NAALADL2: variants seen among roughly 807,000 people sequenced by gnomAD.
The protein encoded by NAALADL2 is N-acetylated alpha-linked acidic dipeptidase like 2.
In NAALADL2, 76 loss-of-function variants were observed where a neutral mutation model predicts 87.2. The observed-to-expected ratio is 0.87, with a 90% confidence interval of 0.72 to 1.05. The LOEUF (loss-of-function observed/expected upper bound fraction) is 1.05, where lower values mean the gene tolerates loss of function less well. NAALADL2 is among the 50% of genes least tolerant of loss of function. NAALADL2 has a pLI of 0.00. For synonymous variants in NAALADL2, 354 were observed against 331.0 expected (o/e 1.07, Z -0.75); for missense variants, 1,089 against 945.8 (o/e 1.15, Z -1.99).
intron 3 of NAALADL2, among the ~76,000 whole-genome samples, chr3:174,763,055 C>T (rs1311600876): frequency 6.6e-6 from 1 of 151,972 alleles, no homozygotes; most frequent in African/African-American, 2.4e-5. Context: ...AATCAATGTA[C>T]AGTTACTTTG....
At chr3:175,356,189 A>G (rs1268451559) in intron 5 of NAALADL2, among the ~76,000 whole-genome samples, 1 of 152,152 alleles carries the variant, frequency 6.6e-6, no homozygotes, top group East Asian at 1.9e-4. Context: ...CAGAGGAAAA[A>G]GAAAGTCTTT....
intron 2 of NAALADL2, among the ~76,000 whole-genome samples, chr3:174,701,257 A>C (rs1729529508): frequency 6.6e-6 from 1 of 151,384 alleles, no homozygotes. Context: ...TCTTATAATT[A>C]TTATATCAAA....
intron 5 of NAALADL2, among the ~76,000 whole-genome samples, chr3:175,325,214 C>G (rs534346978): frequency 2.6e-5 from 4 of 152,266 alleles, no homozygotes; most frequent in Non-Finnish European, 5.9e-5. Flanking sequence ...ATCCAGCTGC[C>G]TATTCTATGT....
intron 2 of NAALADL2, among the ~76,000 whole-genome samples, chr3:175,188,916 C>T (rs1452319601): frequency 6.6e-6 from 1 of 151,980 alleles, no homozygotes; most frequent in South Asian, 2.1e-4. Flanking sequence ...ACACTTTTTT[C>T]CCAAAGCCAT....
rs532647358 is a variant in NAALADL2, at chr3:174,717,689, C to T, written c.-114-19952C>T. Among the ~76,000 whole-genome samples the T allele has an allele frequency of 3.3e-5, 5 of 152,260 alleles. No homozygotes were observed. The East Asian group carries it at 9.6e-4, about 29-fold the overall frequency. On this transcript the variant is annotated intron_variant, in intron 2 of 3. Transcript: ENST00000434257. ...CCTCTTCAAAATGATTTCAAATGCT[C>T]ATGATTTCCTTCTGGAATATTAAAT...
chr3:175,234,276 A>C, intron 3 of NAALADL2, 72 bp downstream of exon 3: 1 of 1,473,696 alleles, frequency 6.8e-7, no homozygotes, highest in Non-Finnish European at 9.3e-7. Context: ...ATCTAAATTG[A>C]ACTAACTGTC....
chr3:175,449,142 G>A (rs1721150565), intron 6 of NAALADL2, among the ~76,000 whole-genome samples: 1 of 151,740 alleles, frequency 6.6e-6, no homozygotes, highest in East Asian at 1.9e-4. Context: ...GCAGTGGCAT[G>A]GTCATGGTTC....
At chr3:175,135,614 A>C (rs1729004319) in intron 2 of NAALADL2, among the ~76,000 whole-genome samples, 1 of 152,170 alleles carries the variant, frequency 6.6e-6, no homozygotes, top group Non-Finnish European at 1.5e-5. Flanking sequence ...CAAAACCTAA[A>C]GTCAAATTGT....
At chr3:175,789,157 C>T (rs927739947) in intron 13 of NAALADL2, among the ~76,000 whole-genome samples, 1 of 152,146 alleles carries the variant, frequency 6.6e-6, no homozygotes, top group African/African-American at 2.4e-5. Flanking sequence ...CCCTTTGGAA[C>T]TGAGATTGCT....
chr3:175,265,515 A>G (rs11928520), intron 4 of NAALADL2, among the ~76,000 whole-genome samples: 5,988 of 151,626 alleles, frequency 0.039, 386 homozygotes, highest in African/African-American at 0.14. Context: ...CTCTTGATAA[A>G]TATTGCTTAA....
intron 2 of NAALADL2, among the ~76,000 whole-genome samples, chr3:175,212,551 AT>A (rs80347805): frequency 0.089 from 13,417 of 150,888 alleles, 740 homozygotes; most frequent in East Asian, 0.2. Flanking sequence ...AATTTTCTTC[AT>A]TTTTTTTTCT....
At chr3:175,497,504 A>G (rs966213947) in intron 9 of NAALADL2, among the ~76,000 whole-genome samples, 8 of 152,168 alleles carry the variant, frequency 5.3e-5, no homozygotes, top group Non-Finnish European at 1.2e-4. Context: ...TTCAATTTAT[A>G]CCCCTTTTAG....
chr3:175,161,076 A>C (rs1733128441), intron 2 of NAALADL2, among the ~76,000 whole-genome samples: 1 of 152,140 alleles, frequency 6.6e-6, no homozygotes, highest in Non-Finnish European at 1.5e-5. Context: ...CTTCAATTAC[A>C]CCGCAACCAC....
intron 11 of NAALADL2, among the ~76,000 whole-genome samples, chr3:175,686,202 C>A (rs1044297092): frequency 2.6e-5 from 4 of 152,150 alleles, no homozygotes; most frequent in Non-Finnish European, 5.9e-5. Context: ...TGATGTCTAA[C>A]TACTACAAAA....
At chr3:175,514,953 C>A (rs1731641075) in intron 9 of NAALADL2, among the ~76,000 whole-genome samples, 1 of 152,158 alleles carries the variant, frequency 6.6e-6, no homozygotes, top group South Asian at 2.1e-4. Context: ...CTGAATTACC[C>A]ATGGAGCTAT....
intron 3 of NAALADL2, among the ~76,000 whole-genome samples, chr3:174,809,883 C>T (rs1338307377): frequency 2.6e-5 from 4 of 152,130 alleles, no homozygotes; most frequent in African/African-American, 9.7e-5. Context: ...TAGCATCATC[C>T]TTTTGATGCT....
intron 13 of NAALADL2, among the ~76,000 whole-genome samples, chr3:175,787,578 G>T (rs951665356): frequency 1.3e-5 from 2 of 151,898 alleles, no homozygotes; most frequent in African/African-American, 4.8e-5. Context: ...GCTCGCGCAC[G>T]GTGCGCGCAC....
chr3:175,354,273 T>C (rs1764102159), intron 5 of NAALADL2, among the ~76,000 whole-genome samples: 1 of 152,208 alleles, frequency 6.6e-6, no homozygotes, highest in Non-Finnish European at 1.5e-5. Context: ...ATATAAATTA[T>C]GTAGAAACCA....
rs529385555 is a variant in NAALADL2, at chr3:175,109,167, G to A, written c.545+11876G>A. On this transcript the variant is annotated intron_variant, in intron 2 of 13. Transcript: ENST00000454872. ...TATGTAGAACAGTGCAAGGGAGTTAGAATCAAGGTCAAAGCTATAAACTGT... is the reference window on the plus strand; with the variant it reads ...TATGTAGAACAGTGCAAGGGAGTTAAAATCAAGGTCAAAGCTATAAACTGT... Among the ~76,000 whole-genome samples the A allele has an allele frequency of 6.6e-5, 10 of 151,942 alleles. No homozygotes were observed. The South Asian group carries it at 1.9e-3, about 28-fold the overall frequency.
Sources: allele counts gnomAD v4.1 joint callset (sites outside exome capture counted in the v4.1 genomes callset), GRCh38; gene constraint gnomAD v4.1.1; transcripts MANE v1.5; gene names NCBI Gene and HGNC (gene_info 2026-07-23, HGNC 2026-07-21).